The following CLDN16 variants were observed in gnomAD, a reference collection of about 807,000 sequenced individuals.
CLDN16 encodes the protein claudin 16, also known as claudin-16.
A neutral mutation model predicts 24.6 loss-of-function variants in CLDN16; 13 were observed. The ratio of observed to expected loss-of-function variants is 0.53; its 90% confidence interval spans 0.34 to 0.84. The LOEUF is 0.84. Among genes scored for constraint, CLDN16 ranks in the 40% least tolerant of loss-of-function variants. CLDN16 has a pLI of 0.01. For synonymous variants in CLDN16, 116 were observed against 106.7 expected (o/e 1.09, Z -0.54); for missense variants, 298 against 292.7 (o/e 1.02, Z -0.13).
At chr3:190,355,932 C>G (rs1459142431) in intron 1 of CLDN16, among the ~76,000 whole-genome samples, 1 of 151,088 alleles carries the variant, frequency 6.6e-6, no homozygotes, top group Non-Finnish European at 1.5e-5. Flanking sequence ...ATGAAATATA[C>G]CTGAATTGGT....
At chr3:190,312,940 C>G in the CLDN16 span, 1 of 1,614,200 alleles carries the variant, frequency 6.2e-7, no homozygotes, top group South Asian at 1.1e-5. Flanking sequence ...GTCTTCCAAG[C>G]ACTTCATACA....
At chr3:190,346,427 T>C (rs1297978920) in intron 1 of CLDN16, among the ~76,000 whole-genome samples, 3 of 152,204 alleles carry the variant, frequency 2.0e-5, no homozygotes, top group Non-Finnish European at 4.4e-5. Flanking sequence ...CCAGTCATAT[T>C]TGCGTTTTAA....
chr3:190,332,674 C>T (rs16865391), intron 1 of CLDN16, among the ~76,000 whole-genome samples: 6,556 of 151,800 alleles, frequency 0.043, 325 homozygotes, highest in African/African-American at 0.12. Context: ...AGCACAATAT[C>T]GAGTAATACA....
upstream of CLDN16, among the ~76,000 whole-genome samples, chr3:190,384,973 T>C (rs1296334796): frequency 6.6e-6 from 1 of 152,160 alleles, no homozygotes; most frequent in South Asian, 2.1e-4. Flanking sequence ...TATACTCTTA[T>C]TGGGAGTGGT....
chr3:190,396,370 T>A (rs1000254071), intron 1 of CLDN16, among the ~76,000 whole-genome samples: 5 of 152,210 alleles, frequency 3.3e-5, no homozygotes, highest in African/African-American at 9.6e-5. Context: ...ATTTAGCTGT[T>A]TTTGTTTATT....
chr3:190,335,023 C>CTTTTTTTTTTTTTT (rs57744577), intron 1 of CLDN16, among the ~76,000 whole-genome samples: 2 of 134,396 alleles, frequency 1.5e-5, no homozygotes, highest in Non-Finnish European at 1.6e-5. Flanking sequence ...TTTCTTTTTT[C>CTTTTTTTTTTTTTT]TTTTTTTTTT....
chr3:190,292,712 A>C, the CLDN16 span, among the ~76,000 whole-genome samples: 1 of 152,200 alleles, frequency 6.6e-6, no homozygotes, highest in Non-Finnish European at 1.5e-5. Flanking sequence ...AAAGTTCCAC[A>C]TATCTCTAGG....
chr3:190,392,059 CTTT>C (rs35220103), intron 1 of CLDN16, among the ~76,000 whole-genome samples: 5 of 126,052 alleles, frequency 4.0e-5, no homozygotes, highest in Non-Finnish European at 6.7e-5. Flanking sequence ...CCTTTTCAGT[CTTT>C]TTTTTTTTTT....
chr3:190,372,785 G>C (rs1276617952), intron 2 of CLDN16, among the ~76,000 whole-genome samples: 1 of 151,876 alleles, frequency 6.6e-6, no homozygotes, highest in Non-Finnish European at 1.5e-5. Context: ...CATAAAAGCA[G>C]TCATTTGTCA....
At chr3:190,310,931 A>T in the CLDN16 span, among the ~76,000 whole-genome samples, 1 of 152,218 alleles carries the variant, frequency 6.6e-6, no homozygotes, top group African/African-American at 2.4e-5. Context: ...TCATTCACTT[A>T]ATCATTTATA....
chr3:190,332,509 C>G (rs1392850229), intron 1 of CLDN16, among the ~76,000 whole-genome samples: 1 of 152,120 alleles, frequency 6.6e-6, no homozygotes, highest in African/African-American at 2.4e-5. Context: ...GGTTCTCTTC[C>G]TGGCATAGCC....
chr3:190,388,537 G>C, intron 1 of CLDN16, 94 bp downstream of exon 1: 1 of 1,046,640 alleles, frequency 9.6e-7, no homozygotes, highest in Non-Finnish European at 1.5e-6. Flanking sequence ...TCTTTACTAA[G>C]GCTAATGATA....
At chr3:190,357,813 T>C (rs1717808474) in intron 1 of CLDN16, among the ~76,000 whole-genome samples, 1 of 151,988 alleles carries the variant, frequency 6.6e-6, no homozygotes, top group South Asian at 2.1e-4. Flanking sequence ...CATCTTTGGG[T>C]CTGTATCGGT....
chr3:190,298,112 A>T, the CLDN16 span, among the ~76,000 whole-genome samples: 1 of 152,166 alleles, frequency 6.6e-6, no homozygotes, highest in African/African-American at 2.4e-5. Flanking sequence ...ATACTATCTG[A>T]TATAAACAAA....
chr3:190,381,550 A>G (rs1718373065), intron 3 of CLDN16, among the ~76,000 whole-genome samples: 1 of 152,050 alleles, frequency 6.6e-6, no homozygotes, highest in Non-Finnish European at 1.5e-5. Context: ...ACTTACTCCT[A>G]CTGCCTCTAG....
At chr3:190,330,232 A>T (rs889264735) in intron 1 of CLDN16, among the ~76,000 whole-genome samples, 3 of 152,290 alleles carry the variant, frequency 2.0e-5, no homozygotes, top group Non-Finnish European at 4.4e-5. Flanking sequence ...CCTTTTGTTT[A>T]CTGAAAAACT....
At chr3:190,303,071 C>A in the CLDN16 span, among the ~76,000 whole-genome samples, 1 of 151,880 alleles carries the variant, frequency 6.6e-6, no homozygotes, top group African/African-American at 2.4e-5. Context: ...TTTCTACTTT[C>A]TTCATTAATA....
intron 1 of CLDN16, among the ~76,000 whole-genome samples, chr3:190,361,854 T>TG (rs1717894481): frequency 6.6e-6 from 1 of 151,896 alleles, no homozygotes; most frequent in East Asian, 1.9e-4. Context: ...CATGTTCAAC[T>TG]GGGGGCTCCA....
intron 1 of CLDN16, among the ~76,000 whole-genome samples, chr3:190,339,023 T>A (rs1272729413): frequency 1.3e-5 from 2 of 152,202 alleles, no homozygotes; most frequent in African/African-American, 4.8e-5. Flanking sequence ...CTCCAAAGAC[T>A]GACAAGTGCA....
Sources: allele counts gnomAD v4.1 joint callset (sites outside exome capture counted in the v4.1 genomes callset), GRCh38; gene constraint gnomAD v4.1.1; transcripts MANE v1.5; gene names NCBI Gene and HGNC (gene_info 2026-07-23, HGNC 2026-07-21).